The following ANO3 variants were observed in gnomAD, a reference collection of about 807,000 sequenced individuals.
The protein encoded by ANO3 is anoctamin-3.
Under a neutral mutation model 144.8 loss-of-function variants are expected in ANO3, and 99 were observed. The observed-to-expected ratio is 0.68, with a 90% CI of 0.58 to 0.81. The LOEUF (loss-of-function observed/expected upper bound fraction) is 0.81. ANO3 is among the 30% of genes least tolerant of loss of function. ANO3 has a pLI of 0.00. For synonymous variants in ANO3, 414 were observed against 392.6 expected (o/e 1.05, Z -0.64); for missense variants, 905 against 1,202.2 (o/e 0.75, Z 3.66).
At chr11:26,445,097 C>G (rs1397900523) in intron 3 of ANO3, among the ~76,000 whole-genome samples, 8 of 152,248 alleles carry the variant, frequency 5.3e-5, no homozygotes, top group Admixed American at 5.2e-4. Flanking sequence ...TATACTTACT[C>G]GCTGAGCATC....
intron 1 of ANO3, among the ~76,000 whole-genome samples, chr11:26,434,683 T>C (rs1251091502): frequency 3.9e-5 from 6 of 152,112 alleles, no homozygotes; most frequent in African/African-American, 1.4e-4. Flanking sequence ...TTCACTTACC[T>C]AAAAGTCACT....
chr11:26,257,729 A>C (rs909590701), intron 1 of ANO3, among the ~76,000 whole-genome samples: 2 of 152,044 alleles, frequency 1.3e-5, no homozygotes, highest in African/African-American at 4.8e-5. Context: ...TCAGTACTCT[A>C]TATAGAAAGA....
intron 1 of ANO3, among the ~76,000 whole-genome samples, chr11:26,382,503 T>C (rs1015841206): frequency 1.3e-5 from 2 of 152,166 alleles, no homozygotes; most frequent in Non-Finnish European, 2.9e-5. Flanking sequence ...GCAGAACTTA[T>C]ACCTTAAGAA....
At chr11:26,365,767 T>C (rs1430297190) in intron 1 of ANO3, among the ~76,000 whole-genome samples, 1 of 152,042 alleles carries the variant, frequency 6.6e-6, no homozygotes. Context: ...AAACTCATTC[T>C]TTTTTCCTAG....
chr11:26,582,723 A>G (rs911917492), intron 14 of ANO3, among the ~76,000 whole-genome samples: 1 of 152,032 alleles, frequency 6.6e-6, no homozygotes, highest in African/African-American at 2.4e-5. Flanking sequence ...TCTTCTTTAT[A>G]CTTTTAATTA....
chr11:26,239,299 T>G (rs528656541), intron 1 of ANO3, among the ~76,000 whole-genome samples: 3 of 152,184 alleles, frequency 2.0e-5, no homozygotes, highest in Non-Finnish European at 4.4e-5. Flanking sequence ...CCTTTTATGC[T>G]AATTAGAGAT....
chr11:26,299,755 G>A lies in ANO3; in HGVS notation c.155-9890G>A, dbSNP rs546962902. 2.0e-5 allele frequency among the ~76,000 whole-genome samples: 3 copies of A among 152,162 alleles called. No individual in the cohort carries two copies. In the South Asian group the frequency reaches 6.2e-4, roughly 32 times the overall value. On this transcript the variant is annotated intron_variant, in intron 1 of 27. Transcript: ENST00000672621. ...CTGCTGTCCTGAAGTAGGAGTGAGG[G>A]ATAGAAACTACTCCATATGTGGAAG...
upstream of ANO3, among the ~76,000 whole-genome samples, chr11:26,304,702 A>G (rs1169340654): frequency 6.6e-6 from 1 of 152,200 alleles, no homozygotes; most frequent in East Asian, 1.9e-4. Context: ...AGATTGTAAA[A>G]TTATGTTATA....
In ANO3 at chr11:26,294,949, A is replaced by T. The variant is rs556991344; in HGVS notation, c.155-14696A>T. On this transcript the variant is annotated intron_variant, in intron 1 of 27. Coordinates refer to the ANO3 transcript ENST00000672621. ...GAGTCTTTCTCCCTTGCCAGGCTGG[A>T]GTGCAGTGGCATGATCTCTGCTCAC... Among the ~76,000 whole-genome samples the T allele has an allele frequency of 1.8e-4, 28 of 151,934 alleles. No individual in the cohort carries two copies. In the South Asian group the frequency reaches 5.4e-3, roughly 29 times the overall value.
intron 3 of ANO3, among the ~76,000 whole-genome samples, chr11:26,450,250 G>A (rs926465239): frequency 2.6e-5 from 4 of 152,258 alleles, no homozygotes; most frequent in African/African-American, 7.2e-5. Flanking sequence ...GGTGAGGATT[G>A]GAAGAGTGCA....
chr11:26,219,747 T>C (rs1239195683), intron 1 of ANO3, among the ~76,000 whole-genome samples: 1 of 152,092 alleles, frequency 6.6e-6, no homozygotes, highest in Admixed American at 6.6e-5. Flanking sequence ...GCAAAGCAAA[T>C]GTATTACTTA....
chr11:26,408,203 C>A (rs1394692081), intron 1 of ANO3, among the ~76,000 whole-genome samples: 1 of 151,588 alleles, frequency 6.6e-6, no homozygotes, highest in African/African-American at 2.4e-5. Flanking sequence ...CAAAATGGGA[C>A]AAAATTTTTG....
intron 19 of ANO3, among the ~76,000 whole-genome samples, chr11:26,634,617 A>G (rs1279890477): frequency 6.6e-6 from 1 of 152,220 alleles, no homozygotes; most frequent in Non-Finnish European, 1.5e-5. Context: ...TGAAAAAAGC[A>G]GCATATTAAA....
At chr11:26,332,122 C>G (rs1590266949), upstream of ANO3, 8 of 1,491,466 alleles carry the variant, frequency 5.4e-6, no homozygotes, top group South Asian at 6.6e-5. Flanking sequence ...CCGGCGGGCG[C>G]GTAGCCTGGA....
chr11:26,622,776 A>C (rs1008456587), intron 17 of ANO3, among the ~76,000 whole-genome samples: 1 of 152,206 alleles, frequency 6.6e-6, no homozygotes, highest in Non-Finnish European at 1.5e-5. Context: ...GTAAAATGGG[A>C]ATCATTATAC....
At chr11:26,648,894 CTGT>C (rs770555093) in intron 24 of ANO3, among the ~76,000 whole-genome samples, 3 of 152,166 alleles carry the variant, frequency 2.0e-5, no homozygotes, top group Non-Finnish European at 4.4e-5. Context: ...AGGAAATGCA[CTGT>C]TAACTCTGCT....
intron 1 of ANO3, among the ~76,000 whole-genome samples, chr11:26,394,570 CTT>C (rs56118844): frequency 9.2e-4 from 106 of 115,720 alleles, no homozygotes; most frequent in East Asian, 2.4e-3. Flanking sequence ...ATTTCATTTT[CTT>C]TTTTTTTTTT....
chr11:26,595,476 T>TG (rs1238908027), intron 14 of ANO3, among the ~76,000 whole-genome samples: 2 of 147,190 alleles, frequency 1.4e-5, no homozygotes, highest in Admixed American at 6.8e-5. Flanking sequence ...TTTTTTTTTT[T>TG]TTTTTTTTTT....
At chr11:26,191,391 G>C (rs1036163071) in intron 1 of ANO3, among the ~76,000 whole-genome samples, 1 of 151,128 alleles carries the variant, frequency 6.6e-6, no homozygotes, top group African/African-American at 2.4e-5. Context: ...TGACTGACTG[G>C]CTGAGGAACT....
Sources: allele counts gnomAD v4.1 joint callset (sites outside exome capture counted in the v4.1 genomes callset), GRCh38; gene constraint gnomAD v4.1.1; transcripts MANE v1.5; gene names NCBI Gene and HGNC (gene_info 2026-07-23, HGNC 2026-07-21).